The following SCNN1B variants were observed in gnomAD, a reference collection of about 807,000 sequenced individuals.
SCNN1B encodes sodium channel epithelial 1 subunit beta.
Under a neutral mutation model 65.3 loss-of-function variants are expected in SCNN1B, and 46 were observed. The observed-to-expected ratio is 0.70, with a 90% CI of 0.56 to 0.90. SCNN1B has a LOEUF of 0.90. Among genes scored for constraint, SCNN1B ranks in the 40% least tolerant of loss-of-function variants. SCNN1B has a pLI of 0.00. For missense variants in SCNN1B, 751 were observed against 830.5 expected, an observed-to-expected ratio of 0.90 and a Z score of 1.18; for synonymous variants, 349 against 330.6, an observed-to-expected ratio of 1.06 and a Z score of -0.60.
Position 23,380,997 on chromosome 16 carries a change from A to C in SCNN1B, c.*196A>C, listed in dbSNP as rs1431837463. ...GGCTCTGTAGAATCACGGTGCTGGT[A>C]CAGGATGCAGGAATAAATTGTATCT... On this transcript the variant is annotated 3_prime_UTR_variant, in exon 13 of 13. Transcript: ENST00000343070. The surrounding 1 kb of genome is among the most constrained non-coding windows in gnomAD (Gnocchi z 5.4). 1 of 673,856 alleles carries C rather than the reference A, an allele frequency of 1.5e-6. No homozygotes were observed. The highest frequency in any genetic ancestry group is 2.7e-6 in the Non-Finnish European group (1 of 375,128). The allele number at this position is 673,856 out of a possible 1,614,324, so 41.7% of individuals were successfully genotyped here.
chr16:23,379,121 A>C (rs390362), intron 11 of SCNN1B, among the ~76,000 whole-genome samples: 1 of 136,190 alleles, frequency 7.3e-6, no homozygotes. Context: ...CCACCCACAC[A>C]CCCAGCCATC....
At chr16:23,366,215 GT>G (rs11335216) in intron 4 of SCNN1B, among the ~76,000 whole-genome samples, 37,450 of 151,480 alleles carry the variant, frequency 0.25, 4,758 homozygotes, top group East Asian at 0.36. Flanking sequence ...AATTATTATT[GT>G]TTTTTTGATA....
At chr16:23,339,007 T>C (rs914292402) in intron 1 of SCNN1B, among the ~76,000 whole-genome samples, 1 of 152,222 alleles carries the variant, frequency 6.6e-6, no homozygotes, top group Non-Finnish European at 1.5e-5. Context: ...TCCAAAAGGC[T>C]CCCTGTACAA....
intron 1 of SCNN1B, among the ~76,000 whole-genome samples, chr16:23,318,059 G>A (rs72652301): frequency 6.6e-6 from 1 of 152,198 alleles, no homozygotes; most frequent in Non-Finnish European, 1.5e-5. Context: ...AGAGGCAAAC[G>A]GCCCAGGTTT....
chr16:23,332,460 G>A (rs1251652042), intron 1 of SCNN1B, among the ~76,000 whole-genome samples: 1 of 152,042 alleles, frequency 6.6e-6, no homozygotes, highest in Non-Finnish European at 1.5e-5. Flanking sequence ...GCCTCCCAAA[G>A]TGCTGGGATT....
intron 1 of SCNN1B, among the ~76,000 whole-genome samples, chr16:23,347,964 C>T (rs1962223083): frequency 6.6e-6 from 1 of 152,070 alleles, no homozygotes; most frequent in African/African-American, 2.4e-5. Flanking sequence ...ATTATTTACC[C>T]ACTTATTCAG....
intron 1 of SCNN1B, among the ~76,000 whole-genome samples, chr16:23,318,708 T>C (rs1022754935): frequency 1.3e-5 from 2 of 152,242 alleles, no homozygotes; most frequent in African/African-American, 4.8e-5. Context: ...GATGAGATCA[T>C]GTGAGTAAAG....
chr16:23,304,004 T>C (rs1961140339), intron 1 of SCNN1B: 1 of 1,336,510 alleles, frequency 7.5e-7, no homozygotes, highest in African/African-American at 1.4e-5. Flanking sequence ...TTATCCATGC[T>C]GCTGCATATA....
intron 7 of SCNN1B, chr16:23,372,132 A>G (rs1596883584): frequency 1.8e-6 from 1 of 568,782 alleles, no homozygotes; most frequent in African/African-American, 1.9e-5. Context: ...GATTATGGGG[A>G]TCTTACTCTG....
chr16:23,372,243 T>C (rs1305848373), intron 7 of SCNN1B: 1 of 356,970 alleles, frequency 2.8e-6, no homozygotes, highest in Admixed American at 3.8e-5. Context: ...CCATCGTCAT[T>C]TAATCTTTCA....
In SCNN1B at chr16:23,377,199, G is replaced by T; in HGVS notation, c.1305G>T (p.Ala435=). 1 of 1,614,210 alleles carries T rather than the reference G, an allele frequency of 6.2e-7. No homozygotes were observed. The highest frequency in any genetic ancestry group is 8.5e-7 in the Non-Finnish European group (1 of 1,180,030). ...ACTCAGATCTACAGATGAGCGTGGC[G>T]CAGAGAGAGACCTGCATTGGCATGT... ...HCYSDLQMSV[A]QRETCIGMCK... The change falls in exon 9 of 13, where the codon GCG becomes GCT. Residue 435 remains alanine, a synonymous_variant. Transcript: ENST00000343070.
chr16:23,380,062 T>G lies in SCNN1B; in HGVS notation c.1467-32T>G, dbSNP rs1482544131. The G allele has an allele frequency of 6.4e-7, 1 of 1,552,562 alleles. No individual in the cohort carries two copies. The highest frequency in any genetic ancestry group is 2.2e-5 in the East Asian group (1 of 44,556). On this transcript the variant is annotated intron_variant, in intron 11 of 12. Transcript: ENST00000343070. This position sits in a 1 kb window ranked among gnomAD's most constrained non-coding sequence, Gnocchi z 5.4. ...TCTGTCTGTTTGGAAGGGGGATACA[T>G]TAGTCCCGGCCCTTCTCGCTGCCTC...
intron 1 of SCNN1B, among the ~76,000 whole-genome samples, chr16:23,310,580 G>A (rs1404732285): frequency 6.6e-6 from 1 of 152,204 alleles, no homozygotes. Flanking sequence ...GGGATGCTGA[G>A]GCAGGAAGAT....
At position 23,380,684 on chromosome 16, in the gene SCNN1B, G is replaced by T. The variant is rs1489116293; in HGVS notation, c.1806G>T (p.Gly602=). ...PDTAPRSPNT[G]PYPSEQALPI... is the part of the protein sequence containing the mutation. ...CGGCCCCCCGCAGCCCCAACACTGGGCCCTACCCCAGTGAGCAGGCCCTGC... is the reference window on the plus strand; with the variant it reads ...CGGCCCCCCGCAGCCCCAACACTGGTCCCTACCCCAGTGAGCAGGCCCTGC... The change falls in exon 13 of 13, where the codon GGG becomes GGT. Residue 602 remains glycine, a synonymous_variant. Coordinates refer to ENST00000343070, the MANE Select transcript of SCNN1B (RefSeq NM_000336.3). This position sits in a 1 kb window ranked among gnomAD's most constrained non-coding sequence, Gnocchi z 5.4. The T allele has an allele frequency of 6.2e-7, 1 of 1,612,540 alleles. No individual in the cohort carries two copies. Among genetic ancestry groups the T allele is most frequent in the East Asian group, 2.2e-5 (1 of 44,866 alleles).
At chr16:23,340,343 C>G (rs758326222) in intron 1 of SCNN1B, among the ~76,000 whole-genome samples, 3 of 152,030 alleles carry the variant, frequency 2.0e-5, no homozygotes, top group Non-Finnish European at 2.9e-5. Flanking sequence ...TTTTAGTGTC[C>G]TATCTGAAGA....
chr16:23,296,214 A>G (rs1025690698), intron 2 of SCNN1B, among the ~76,000 whole-genome samples: 1 of 152,074 alleles, frequency 6.6e-6, no homozygotes, highest in Non-Finnish European at 1.5e-5. Flanking sequence ...CAGGCTGGGT[A>G]TGGGACTCAG....
intron 1 of SCNN1B, among the ~76,000 whole-genome samples, chr16:23,329,367 C>T (rs1322590588): frequency 2.0e-5 from 3 of 152,164 alleles, no homozygotes; most frequent in Non-Finnish European, 2.9e-5. Context: ...CCTCCCACCT[C>T]GGCCTCCCAA....
At chr16:23,350,687 TG>T (rs1179555942) in intron 2 of SCNN1B, among the ~76,000 whole-genome samples, 1 of 148,084 alleles carries the variant, frequency 6.8e-6, no homozygotes, top group African/African-American at 2.5e-5. Flanking sequence ...CCAAAGCGAG[TG>T]GATTACTTGA....
chr16:23,378,623 G>A, intron 10 of SCNN1B, 83 bp from the exon 11 acceptor site: 1 of 1,306,320 alleles, frequency 7.7e-7, no homozygotes, highest in Non-Finnish European at 1.1e-6. Context: ...CAGGGCTGTG[G>A]TCTACCTCCC....
Sources: gnomAD v4.1 joint callset for allele counts (sites outside exome capture counted in the v4.1 genomes callset) on GRCh38, gnomAD v4.1.1 for gene constraint, Gnocchi (gnomAD v3.1) non-coding constraint, MANE v1.5 for transcripts, NCBI Gene and HGNC (gene_info 2026-07-23, HGNC 2026-07-21) for gene names.